Variants in NACC2 observed in about 807,000 individuals in gnomAD.
NACC2 encodes NACC family member 2.
In NACC2, 8 loss-of-function variants were observed where a neutral mutation model predicts 25.1. The ratio of observed to expected loss-of-function variants is 0.32; its 90% CI spans 0.19 to 0.57. The LOEUF is 0.57. Ranked by LOEUF, NACC2 falls within the 20% of genes least tolerant of loss-of-function variation. The pLI, the probability that NACC2 is intolerant of heterozygous loss-of-function variation, is 0.89. For missense variants in NACC2, 644 were observed against 650.2 expected (o/e 0.99, Z 0.10); for synonymous variants, 435 against 294.7 (o/e 1.48, Z -4.88).
At chr9:136,081,746 C>A (rs1830326768) in intron 1 of NACC2, among the ~76,000 whole-genome samples, 1 of 152,114 alleles carries the variant, frequency 6.6e-6, no homozygotes, top group South Asian at 2.1e-4. Flanking sequence ...ACCATCCCCA[C>A]CAAGTGGCGG....
At chr9:136,067,988 C>T (rs755473827) in intron 1 of NACC2, among the ~76,000 whole-genome samples, 61 of 152,066 alleles carry the variant, frequency 4.0e-4, no homozygotes, top group Admixed American at 1.3e-4. Flanking sequence ...ATTTGTGTAT[C>T]GAAACATAGT....
intron 2 of NACC2, 111 bp downstream of exon 2, chr9:136,049,525 C>T: frequency 1.6e-6 from 1 of 619,974 alleles, no homozygotes; most frequent in Non-Finnish European, 2.9e-6. Flanking sequence ...TGGTGGGGGG[C>T]TCCCCTGTGG....
At chr9:136,021,343 CG>C (rs148985009) in intron 2 of NACC2, among the ~76,000 whole-genome samples, 34,840 of 152,060 alleles carry the variant, frequency 0.23, 6,043 homozygotes, top group African/African-American at 0.48. Context: ...CCTCCCAGTG[CG>C]GGAAACGTAA....
chr9:136,077,367 A>G (rs527433282), intron 1 of NACC2, among the ~76,000 whole-genome samples: 20 of 152,092 alleles, frequency 1.3e-4, no homozygotes, highest in Non-Finnish European at 2.4e-4. Flanking sequence ...GAAGAGAAAC[A>G]TGGCCTTTGG....
rs1352800861 is a variant in NACC2, at chr9:136,086,169, C to T, written c.-60+9020G>A. 6.6e-6 allele frequency among the ~76,000 whole-genome samples: 1 copy of T among 152,216 alleles called. No homozygotes were observed. The highest frequency in any genetic ancestry group is 1.5e-5 in the Non-Finnish European group (1 of 68,018). ...TGGACATTCTAAAAACCTTCAGAAGCCACTCCCTGAATGTGGCCAGGACCC... is the reference window on the plus strand; with the variant it reads ...TGGACATTCTAAAAACCTTCAGAAGTCACTCCCTGAATGTGGCCAGGACCC... On this transcript the variant is annotated intron_variant, in intron 1 of 5. Coordinates refer to ENST00000277554, the MANE Select transcript of NACC2 (RefSeq NM_144653.5). This position sits in a 1 kb window ranked among gnomAD's most constrained non-coding sequence, Gnocchi z 5.6.
intron 1 of NACC2, among the ~76,000 whole-genome samples, chr9:136,052,425 G>A (rs1441222014): frequency 6.6e-6 from 1 of 151,934 alleles, no homozygotes; most frequent in Non-Finnish European, 1.5e-5. Flanking sequence ...GGTGGGGAAT[G>A]GGCAGAGGCG....
At chr9:136,088,959 A>G (rs1022534612) in intron 1 of NACC2, among the ~76,000 whole-genome samples, 2 of 152,248 alleles carry the variant, frequency 1.3e-5, no homozygotes, top group Non-Finnish European at 2.9e-5. Flanking sequence ...TCTGATAATG[A>G]TCTCGGCATC....
intron 1 of NACC2, among the ~76,000 whole-genome samples, chr9:136,077,229 G>A (rs1830273016): frequency 6.6e-6 from 1 of 151,814 alleles, no homozygotes; most frequent in African/African-American, 2.4e-5. Flanking sequence ...CACTTGGGAG[G>A]CTGAGGCAGG....
intron 1 of NACC2, among the ~76,000 whole-genome samples, chr9:136,065,097 A>G (rs1403328791): frequency 6.6e-6 from 1 of 152,244 alleles, no homozygotes; most frequent in African/African-American, 2.4e-5. Context: ...TAAAACTATA[A>G]AACTCTTACA....
At chr9:136,052,506 G>A (rs924987735) in intron 1 of NACC2, among the ~76,000 whole-genome samples, 13 of 152,192 alleles carry the variant, frequency 8.5e-5, no homozygotes, top group Admixed American at 2.6e-4. Flanking sequence ...TACAGCAGGG[G>A]GTGAAGAGAG....
chr9:136,087,523 C>G (rs1036509142), intron 1 of NACC2, among the ~76,000 whole-genome samples: 20 of 152,220 alleles, frequency 1.3e-4, no homozygotes, highest in African/African-American at 4.8e-4. Flanking sequence ...AGCCAGTCCT[C>G]GCAGGGCCCG....
At chr9:136,069,920 G>C (rs1841130417) in intron 1 of NACC2, among the ~76,000 whole-genome samples, 1 of 151,904 alleles carries the variant, frequency 6.6e-6, no homozygotes, top group East Asian at 1.9e-4. Flanking sequence ...AAAATCAGCA[G>C]AGATAGAGTG....
intron 1 of NACC2, among the ~76,000 whole-genome samples, chr9:136,065,492 C>T (rs758632051): frequency 1.6e-4 from 24 of 152,276 alleles, no homozygotes; most frequent in Middle Eastern, 6.8e-3. Context: ...TGGTGGCGCA[C>T]GCCAGTAGTC....
chr9:136,073,059 A>G (rs553116838), intron 1 of NACC2, among the ~76,000 whole-genome samples: 40 of 152,348 alleles, frequency 2.6e-4, no homozygotes, highest in South Asian at 6.2e-4. Flanking sequence ...TAATGGGATG[A>G]AAAGACAAGA....
At chr9:136,024,890 G>T (rs1840364154) in intron 2 of NACC2, among the ~76,000 whole-genome samples, 1 of 152,210 alleles carries the variant, frequency 6.6e-6, no homozygotes, top group Admixed American at 6.5e-5. Flanking sequence ...GGCGGCAGTG[G>T]CTGACAGAGC....
intron 2 of NACC2, among the ~76,000 whole-genome samples, chr9:136,025,514 G>A (rs60459680): frequency 0.063 from 9,599 of 151,668 alleles, 965 homozygotes; most frequent in African/African-American, 0.22. Context: ...AGCAGACACC[G>A]AATTTAAAAT....
chr9:136,050,667 C>A, intron 1 of NACC2, 87 bp from the exon 2 acceptor site: 1 of 648,432 alleles, frequency 1.5e-6, no homozygotes, highest in Non-Finnish European at 2.8e-6. Context: ...CCTCCCCCGC[C>A]GGGGGCTTAC....
At position 136,050,385 on chromosome 9, in the gene NACC2, G is replaced by A. The variant is rs1840803380; in HGVS notation, c.137C>T (p.Ala46Val). The A allele has an allele frequency of 1.3e-6, 1 of 754,510 alleles. No individual in the cohort carries two copies. The allele number at this position is 754,510 out of a possible 1,614,324, so 46.7% of individuals were successfully genotyped here. Residue 46 changes from alanine (A) to valine (V), a missense_variant, in exon 2 of 6, where the codon GCG becomes GTG. Transcript: ENST00000277554. Reference protein sequence around the residue: ...VKGQAFKAHRAVLAASSLYFR... With the variant: ...VKGQAFKAHRVVLAASSLYFR... ...GTAGAGGCTGCTGGCGGCCAGCACC[G>A]CCCGGTGGGCCTTGAAGGCCTGGCC...
chr9:136,093,863 G>A (rs549429705), intron 1 of NACC2, among the ~76,000 whole-genome samples: 2 of 152,304 alleles, frequency 1.3e-5, no homozygotes, highest in Non-Finnish European at 2.9e-5. Flanking sequence ...AACTCTAGGC[G>A]CCCCTGCTGG....
Sources: allele counts gnomAD v4.1 joint callset (sites outside exome capture counted in the v4.1 genomes callset), GRCh38; gene constraint gnomAD v4.1.1; non-coding constraint Gnocchi (gnomAD v3.1); transcripts MANE v1.5; gene names NCBI Gene and HGNC (gene_info 2026-07-23, HGNC 2026-07-21).